The following PIK3CB variants were observed in gnomAD, a reference collection of about 807,000 sequenced individuals.
PIK3CB encodes phosphatidylinositol 4,5-bisphosphate 3-kinase catalytic subunit beta isoform.
PIK3CB carries 39 observed loss-of-function variants against 136.8 expected under a neutral mutation model. The observed-to-expected ratio is 0.29, with a 90% CI of 0.22 to 0.37. The LOEUF (loss-of-function observed/expected upper bound fraction) is 0.37, where lower values mean the gene tolerates loss of function less well. PIK3CB is among the 10% of genes least tolerant of loss of function. PIK3CB has a pLI of 1.00. For synonymous variants in PIK3CB, 428 were observed against 436.6 expected, an observed-to-expected ratio of 0.98 and a Z score of 0.25; for missense variants, 868 against 1,275.4, an observed-to-expected ratio of 0.68 and a Z score of 4.87.
chr3:138,705,164 A>C (rs2044340223), intron 11 of PIK3CB, among the ~76,000 whole-genome samples: 1 of 97,344 alleles, frequency 1.0e-5, no homozygotes, highest in South Asian at 3.4e-4. Flanking sequence ...GCAAAAAAAA[A>C]AAAAAAAAAC....
intron 1 of PIK3CB, among the ~76,000 whole-genome samples, chr3:138,823,879 GT>G (rs1169515735): frequency 6.6e-6 from 1 of 152,132 alleles, no homozygotes; most frequent in Non-Finnish European, 1.5e-5. Flanking sequence ...TCAAAATGGA[GT>G]TTGAGCTCTT....
chr3:138,735,011 C>T (rs578087991), intron 6 of PIK3CB, among the ~76,000 whole-genome samples: 8 of 148,158 alleles, frequency 5.4e-5, no homozygotes, highest in Admixed American at 2.0e-4. Context: ...TGCAGTGACA[C>T]GATCACAGCT....
intron 19 of PIK3CB, among the ~76,000 whole-genome samples, chr3:138,667,593 G>C (rs1176313599): frequency 6.7e-6 from 1 of 149,930 alleles, no homozygotes; most frequent in Non-Finnish European, 1.5e-5. Context: ...ACAGAGTCTC[G>C]CTCTGTCGCC....
chr3:138,706,099 C>T (rs552923531), intron 11 of PIK3CB, among the ~76,000 whole-genome samples: 2 of 152,302 alleles, frequency 1.3e-5, no homozygotes, highest in Middle Eastern at 6.8e-3. Flanking sequence ...AAAATCAACA[C>T]TACCAGGTGC....
At chr3:138,815,088 C>T (rs1429272433) in intron 1 of PIK3CB, among the ~76,000 whole-genome samples, 13 of 132,366 alleles carry the variant, frequency 9.8e-5, no homozygotes, top group African/African-American at 2.3e-4. Flanking sequence ...TGCAGTGAGC[C>T]GTGATCGCGC....
intron 10 of PIK3CB, among the ~76,000 whole-genome samples, chr3:138,711,590 A>G (rs1370430346): frequency 5.3e-5 from 8 of 151,402 alleles, no homozygotes. Flanking sequence ...AAAAAAAAAA[A>G]AAAAAAAAAA....
chr3:138,801,122 A>G (rs906324712), intron 1 of PIK3CB, among the ~76,000 whole-genome samples: 3 of 152,182 alleles, frequency 2.0e-5, no homozygotes, highest in African/African-American at 7.2e-5. Flanking sequence ...TCAAACAGGT[A>G]ATTAGGGGTA....
chr3:138,688,766 C>T, intron 16 of PIK3CB, 109 bp downstream of exon 16: 1 of 659,194 alleles, frequency 1.5e-6, no homozygotes, highest in Admixed American at 2.5e-5. Flanking sequence ...TAAAACTGAT[C>T]AAACACCAAG....
chr3:138,748,109 A>C (rs1041546967), intron 4 of PIK3CB, among the ~76,000 whole-genome samples: 3 of 151,390 alleles, frequency 2.0e-5, no homozygotes, highest in Non-Finnish European at 4.4e-5. Flanking sequence ...AAACTACATT[A>C]ATATGAACTT....
intron 2 of PIK3CB, among the ~76,000 whole-genome samples, chr3:138,796,047 C>T (rs922943208): frequency 3.9e-5 from 6 of 151,970 alleles, no homozygotes; most frequent in Non-Finnish European, 8.8e-5. Flanking sequence ...ACCTAGCATC[C>T]CCCCTACTCC....
intron 8 of PIK3CB, among the ~76,000 whole-genome samples, chr3:138,721,178 T>C (rs1468017441): frequency 6.6e-6 from 1 of 152,150 alleles, no homozygotes; most frequent in African/African-American, 2.4e-5. Context: ...TTTTTTTTTT[T>C]TGAGACAGAG....
At chr3:138,764,496 A>G (rs535636176) in intron 2 of PIK3CB, among the ~76,000 whole-genome samples, 1 of 150,204 alleles carries the variant, frequency 6.7e-6, no homozygotes, top group African/African-American at 2.5e-5. Flanking sequence ...AGGGCATGGC[A>G]GCTCACACCT....
intron 1 of PIK3CB, among the ~76,000 whole-genome samples, chr3:138,826,849 G>A (rs756667085): frequency 2.6e-5 from 4 of 151,962 alleles, no homozygotes; most frequent in Non-Finnish European, 5.9e-5. Flanking sequence ...CAGGCGGATC[G>A]CCTGAGGTCA....
intron 18 of PIK3CB, 130 bp downstream of exon 18, chr3:138,683,548 G>T: frequency 3.2e-6 from 2 of 618,754 alleles, no homozygotes; most frequent in Non-Finnish European, 2.9e-6. Context: ...TTGACTTTAG[G>T]ACCATTAATA....
intron 8 of PIK3CB, among the ~76,000 whole-genome samples, chr3:138,720,315 C>T (rs1379427460): frequency 3.9e-5 from 6 of 152,332 alleles, no homozygotes; most frequent in African/African-American, 1.2e-4. Flanking sequence ...CTGATTCCAA[C>T]TTACTGTTAA....
chr3:138,742,581 C>G lies in PIK3CB; in HGVS notation c.598G>C (p.Ala200Pro). Residue 200 changes from alanine to proline, a missense_variant, in exon 5 of 24, where the codon GCT becomes CCT. By Grantham distance (27) the Ala-to-Pro change is conservative. Transcript: ENST00000674063. ...ACCTGGCAGTTTTCAAAATGAACAG[C>G]TACGATGAGCTTTCCCCCATAAAGT... ...DKLYGGKLIV[A>P]VHFENCQDVF... is the part of the protein sequence containing the mutation. 1 of 1,565,418 alleles carries G rather than the reference C, an allele frequency of 6.4e-7. No individual in the cohort carries two copies. Among genetic ancestry groups the G allele is most frequent in the Non-Finnish European group, 8.8e-7 (1 of 1,139,520 alleles).
chr3:138,688,027 A>T (rs976783576), intron 16 of PIK3CB, among the ~76,000 whole-genome samples: 2 of 152,242 alleles, frequency 1.3e-5, no homozygotes, highest in African/African-American at 4.8e-5. Context: ...ATGAATAAAC[A>T]TTAGCTATTA....
At chr3:138,669,515 T>C (rs2043489097) in intron 19 of PIK3CB, among the ~76,000 whole-genome samples, 2 of 151,238 alleles carry the variant, frequency 1.3e-5, no homozygotes, top group South Asian at 4.2e-4. Flanking sequence ...TGATTTCACA[T>C]GTATTTGTTG....
intron 1 of PIK3CB, among the ~76,000 whole-genome samples, chr3:138,813,288 A>C (rs1933158924): frequency 2.0e-5 from 3 of 152,238 alleles, no homozygotes; most frequent in Admixed American, 2.0e-4. Context: ...CCAGAGAGTT[A>C]AGACACACTT....
Sources: allele counts gnomAD v4.1 joint callset (sites outside exome capture counted in the v4.1 genomes callset), GRCh38; gene constraint gnomAD v4.1.1; transcripts MANE v1.5; gene names NCBI Gene and HGNC (gene_info 2026-07-23, HGNC 2026-07-21).